The following ITGB5 variants were observed in gnomAD, a reference collection of about 807,000 sequenced individuals.
ITGB5 encodes integrin subunit beta 5, also known as integrin beta-5.
A neutral mutation model predicts 84.8 loss-of-function variants in ITGB5; 38 were observed. The ratio of observed to expected loss-of-function variants is 0.45; its 90% CI spans 0.35 to 0.59. The LOEUF (loss-of-function observed/expected upper bound fraction) is 0.59, where lower values mean the gene tolerates loss of function less well. Among genes scored for constraint, ITGB5 ranks in the 20% least tolerant of loss-of-function variants. The pLI, the probability that ITGB5 is intolerant of heterozygous loss-of-function variation, is 0.01. For missense variants in ITGB5, 905 were observed against 1,034.5 expected (o/e 0.87, Z 1.72); for synonymous variants, 393 against 414.4 (o/e 0.95, Z 0.63).
rs567539815 is a variant in ITGB5 at position 124,773,908 on chromosome 3, A to G, written c.1698T>C (p.His566=). The G allele has an allele frequency of 6.2e-7, 1 of 1,614,106 alleles. No individual in the cohort carries two copies. Among genetic ancestry groups the G allele is most frequent in the South Asian group, 1.1e-5 (1 of 91,084 alleles). Residue 566 remains histidine, a synonymous_variant, in exon 11 of 15, where the codon CAT becomes CAC. Transcript: ENST00000296181. ...TGCATTCCCCGCAGTGACACTCGCC[A>G]TGGCCTAAAAGGATACATGTGGCAC... ...ARNKGVLCSG[H]GECHCGECKC...
chr3:124,812,543 G>A (rs1457212410), intron 8 of ITGB5, among the ~76,000 whole-genome samples: 1 of 152,166 alleles, frequency 6.6e-6, no homozygotes, highest in Non-Finnish European at 1.5e-5. Context: ...ACTGAAAAGA[G>A]GCCTTTCTGG....
intron 2 of ITGB5, among the ~76,000 whole-genome samples, chr3:124,861,001 C>T (rs917383686): frequency 1.1e-4 from 17 of 152,132 alleles, no homozygotes; most frequent in Non-Finnish European, 2.1e-4. Context: ...GGGAGTTCAA[C>T]GCTGCAGTGA....
At chr3:124,820,281 C>G (rs954373849) in intron 6 of ITGB5, among the ~76,000 whole-genome samples, 2 of 152,232 alleles carry the variant, frequency 1.3e-5, no homozygotes, top group Admixed American at 6.5e-5. Context: ...ATGCCTAAAG[C>G]TTAGGTCTGC....
intron 4 of ITGB5, among the ~76,000 whole-genome samples, chr3:124,845,100 T>C (rs1213608802): frequency 2.0e-5 from 3 of 152,204 alleles, no homozygotes; most frequent in African/African-American, 7.2e-5. Flanking sequence ...TGGATCCACC[T>C]GAAGGATCCA....
Position 124,819,781 on chromosome 3 carries a change from G to A in ITGB5, c.996C>T (p.Asn332=), listed in dbSNP as rs2064670527. 6.2e-7 allele frequency: 1 copy of A among 1,613,950 alleles called. No individual in the cohort carries two copies. Residue 332 remains asparagine, a synonymous_variant, in exon 7 of 15, where the codon AAC becomes AAT. Transcript: ENST00000296181. Reference sequence around the variant, plus strand: ...GGTTTTTTGTCACTGCAAAGATGAGGTTGATGTTGTTCTCTGCCAATTTCT... The same window carrying A: ...GGTTTTTTGTCACTGCAAAGATGAGATTGATGTTGTTCTCTGCCAATTTCT... ...LGEKLAENNI[N]LIFAVTKNHY...
At chr3:124,853,089 T>C (rs2065178568) in intron 3 of ITGB5, among the ~76,000 whole-genome samples, 1 of 152,226 alleles carries the variant, frequency 6.6e-6, no homozygotes, top group Non-Finnish European at 1.5e-5. Flanking sequence ...TTGTTCAAAG[T>C]GTTAAGACAA....
chr3:124,795,286 C>T (rs2064205751), intron 10 of ITGB5, among the ~76,000 whole-genome samples: 1 of 151,946 alleles, frequency 6.6e-6, no homozygotes, highest in Admixed American at 6.6e-5. Context: ...ATCACGAGTT[C>T]AAGACCAGCC....
intron 1 of ITGB5, among the ~76,000 whole-genome samples, chr3:124,882,538 T>G (rs1433331397): frequency 2.0e-5 from 3 of 152,022 alleles, no homozygotes; most frequent in Non-Finnish European, 4.4e-5. Context: ...GAAGGGACAG[T>G]GGGAGGCCCA....
chr3:124,776,405 T>G (rs56750599), intron 10 of ITGB5, among the ~76,000 whole-genome samples: 13,887 of 152,256 alleles, frequency 0.091, 1,280 homozygotes, highest in African/African-American at 0.23. Context: ...AATGGCTCAC[T>G]GTGAGGGGAT....
In ITGB5 at chr3:124,796,447, C is replaced by G. The variant is rs779332138; in HGVS notation, c.1634G>C (p.Gly545Ala). ...CFESEFGKIY[G>A]PFCECDNFSC... ...GAAGTTGTCGCACTCACAGAAAGGC[C>G]CATAGATCTTGCCAAACTCGCTCTC... The change falls in exon 10 of 15, where the codon GGG becomes GCG. Residue 545 changes from glycine (G) to alanine (A), a missense_variant. Coordinates refer to ENST00000296181, the MANE Select transcript of ITGB5 (RefSeq NM_002213.5). 5.6e-6 allele frequency: 9 copies of G among 1,614,144 alleles called. No individual in the cohort carries two copies. The East Asian group carries it at 2.0e-4, about 36-fold the overall frequency.
intron 1 of ITGB5, among the ~76,000 whole-genome samples, chr3:124,897,419 C>A (rs988230514): frequency 6.6e-6 from 1 of 152,074 alleles, no homozygotes; most frequent in East Asian, 1.9e-4. Context: ...CCTTCATGTT[C>A]TTAGAGAACT....
At chr3:124,804,838 T>C (rs927084045) in intron 9 of ITGB5, among the ~76,000 whole-genome samples, 4 of 152,104 alleles carry the variant, frequency 2.6e-5, no homozygotes, top group Admixed American at 1.3e-4. Flanking sequence ...CGCTAATTTT[T>C]GTATTTTTAG....
intron 2 of ITGB5, among the ~76,000 whole-genome samples, chr3:124,870,661 G>A (rs1933973568): frequency 1.3e-5 from 2 of 151,670 alleles, no homozygotes; most frequent in African/African-American, 4.8e-5. Flanking sequence ...AGGAGGTGGA[G>A]GTGGCAGTGA....
Position 124,841,475 on chromosome 3 carries a change from A to C in ITGB5, c.688T>G (p.Phe230Val), listed in dbSNP as rs769041559. The C allele has an allele frequency of 3.7e-6, 6 of 1,614,124 alleles. No individual in the cohort carries two copies. In the East Asian group the frequency reaches 1.3e-4, roughly 36 times the overall value. ...CTCTGTTTCCGAACTTCCTCATTGA[A>C]GCTGTCCACTCTGTCTGTGAGAGGC... ...LLPLTDRVDS[F>V]NEEVRKQRVS... Residue 230 changes from phenylalanine to valine, a missense_variant, in exon 5 of 15, where the codon TTC becomes GTC. This residue lies in a region of ITGB5 where 656 missense variants were observed against 734.7 expected (regional missense o/e 0.89). Coordinates refer to ENST00000296181, the MANE Select transcript of ITGB5 (RefSeq NM_002213.5).
At chr3:124,831,384 T>C (rs976632937) in intron 5 of ITGB5, among the ~76,000 whole-genome samples, 2 of 152,232 alleles carry the variant, frequency 1.3e-5, no homozygotes, top group Admixed American at 6.5e-5. Flanking sequence ...TACTGGCTCA[T>C]GTTAAGCCTG....
At chr3:124,793,522 C>T (rs1448574500) in intron 10 of ITGB5, among the ~76,000 whole-genome samples, 3 of 152,176 alleles carry the variant, frequency 2.0e-5, no homozygotes, top group African/African-American at 7.2e-5. Flanking sequence ...CAGGTGTGGC[C>T]CCCCCAGAGG....
At chr3:124,799,302 C>T (rs1014084377) in intron 9 of ITGB5, among the ~76,000 whole-genome samples, 8 of 152,206 alleles carry the variant, frequency 5.3e-5, no homozygotes, top group Non-Finnish European at 7.3e-5. Flanking sequence ...GTAATTCCAG[C>T]CCTTTGGGAG....
intron 3 of ITGB5, among the ~76,000 whole-genome samples, chr3:124,854,219 C>T (rs1486625719): frequency 6.6e-6 from 1 of 152,168 alleles, no homozygotes; most frequent in Admixed American, 6.5e-5. Flanking sequence ...CCACTCCTAG[C>T]TATAGACCCA....
At chr3:124,787,164 G>A (rs985384856) in intron 10 of ITGB5, among the ~76,000 whole-genome samples, 2 of 152,090 alleles carry the variant, frequency 1.3e-5, no homozygotes, top group African/African-American at 2.4e-5. Context: ...CAGAATCCTC[G>A]CCACGGGGTT....
Sources: allele counts gnomAD v4.1 joint callset (sites outside exome capture counted in the v4.1 genomes callset), GRCh38; gene constraint gnomAD v4.1.1; regional missense constraint gnomAD v4.1.1; transcripts MANE v1.5; gene names NCBI Gene and HGNC (gene_info 2026-07-23, HGNC 2026-07-21).